The following EPHA7 variants were observed in gnomAD, a reference collection of about 807,000 sequenced individuals.
The protein encoded by EPHA7 is ephrin type-A receptor 7.
A neutral mutation model predicts 112.6 loss-of-function variants in EPHA7; 25 were observed. That is an observed-to-expected ratio of 0.22 (90% CI 0.16 to 0.31). The LOEUF is 0.31. Among genes scored for constraint, EPHA7 ranks in the 10% least tolerant of loss-of-function variants. The pLI, the probability that EPHA7 is intolerant of heterozygous loss-of-function variation, is 1.00. For missense variants in EPHA7, 962 were observed against 1,212.6 expected, an observed-to-expected ratio of 0.79 and a Z score of 3.07; for synonymous variants, 437 against 406.5, an observed-to-expected ratio of 1.07 and a Z score of -0.90.
intron 5 of EPHA7, among the ~76,000 whole-genome samples, chr6:93,320,362 T>C (rs948017266): frequency 2.0e-5 from 3 of 152,082 alleles, no homozygotes; most frequent in African/African-American, 7.2e-5. Context: ...TTCAGTATAT[T>C]AGTTTTTCAT....
At position 93,254,722 on chromosome 6, in the gene EPHA7, T is replaced by A; in HGVS notation, c.2457A>T (p.Val819=). The A allele has an allele frequency of 6.2e-7, 1 of 1,613,700 alleles. No individual in the cohort carries two copies. The highest frequency in any genetic ancestry group is 8.5e-7 in the Non-Finnish European group (1 of 1,179,680). Residue 819 remains valine, a synonymous_variant, in exon 14 of 17, where the codon GTA becomes GTT. Coordinates refer to ENST00000369303, the MANE Select transcript of EPHA7 (RefSeq NM_004440.4). ...QYRKFTSASD[V]WSYGIVMWEV... Reference sequence around the variant, plus strand: ...CCCACATGACTATTCCATAGCTCCATACATCACTGGCTGATGTGAATTTCC... The same window carrying A: ...CCCACATGACTATTCCATAGCTCCAAACATCACTGGCTGATGTGAATTTCC...
chr6:93,332,906 T>G (rs1160196660), intron 5 of EPHA7, among the ~76,000 whole-genome samples: 2 of 151,740 alleles, frequency 1.3e-5, no homozygotes, highest in Non-Finnish European at 3.0e-5. Flanking sequence ...TATTTTAGAT[T>G]CAGGGGTACA....
chr6:93,254,924 T>C, intron 13 of EPHA7, 128 bp from the exon 14 acceptor site: 1 of 606,916 alleles, frequency 1.6e-6, no homozygotes, highest in African/African-American at 1.9e-5. Context: ...CCATCTTGAA[T>C]CTCTATGCGT....
Position 93,418,362 on chromosome 6 carries a change from C to T in EPHA7, c.97+883G>A, listed in dbSNP as rs553126726. ...GCTTGCCAAATAAAACCTGCCTTCT[C>T]CTACCAGAACCAACCCTCAGGGTTC... is the stretch of plus-strand genomic sequence containing the variant. On this transcript the variant is annotated intron_variant, in intron 1 of 16. Coordinates refer to ENST00000369303, the MANE Select transcript of EPHA7 (RefSeq NM_004440.4). Among the ~76,000 whole-genome samples, 5 of 152,372 alleles carry T rather than the reference C, an allele frequency of 3.3e-5. No individual in the cohort carries two copies. The East Asian group carries it at 7.7e-4, about 24-fold the overall frequency.
At chr6:93,377,954 C>G (rs2127967528) in intron 3 of EPHA7, among the ~76,000 whole-genome samples, 1 of 152,156 alleles carries the variant, frequency 6.6e-6, no homozygotes, top group East Asian at 1.9e-4. Flanking sequence ...ACAGTTCCTG[C>G]CCTCATAGAC....
chr6:93,322,058 A>C (rs538231414), intron 5 of EPHA7, among the ~76,000 whole-genome samples: 9 of 151,882 alleles, frequency 5.9e-5, no homozygotes, highest in African/African-American at 2.2e-4. Flanking sequence ...AATGAATGTA[A>C]AAAACAATAC....
intron 5 of EPHA7, among the ~76,000 whole-genome samples, chr6:93,283,629 A>T (rs1426166008): frequency 6.6e-6 from 1 of 152,154 alleles, no homozygotes; most frequent in East Asian, 1.9e-4. Context: ...GAAGGTCTGC[A>T]GCTTCACTCC....
intron 1 of EPHA7, among the ~76,000 whole-genome samples, chr6:93,418,941 G>C (rs796868100): frequency 6.6e-6 from 1 of 152,170 alleles, no homozygotes; most frequent in South Asian, 2.1e-4. Context: ...TAAGCTCGCC[G>C]GCAGTTCCTC....
chr6:93,349,774 AT>A (rs1417532233), intron 5 of EPHA7, among the ~76,000 whole-genome samples: 4 of 151,914 alleles, frequency 2.6e-5, no homozygotes, highest in Non-Finnish European at 5.9e-5. Context: ...AATGGAATTA[AT>A]TTACTTATTA....
In EPHA7 at chr6:93,419,378, C is replaced by G. The variant is rs183930593; in HGVS notation, c.-37G>C. ...AGGTTTTATTTTAGGTTTCAGTTATCTTGAGTCGTGGATTTTTAAATGCTG... is the reference window on the plus strand; with the variant it reads ...AGGTTTTATTTTAGGTTTCAGTTATGTTGAGTCGTGGATTTTTAAATGCTG... On this transcript the variant is annotated 5_prime_UTR_variant, in exon 1 of 17. Transcript: ENST00000369303. 35 of 1,547,944 alleles carry G rather than the reference C, an allele frequency of 2.3e-5. No homozygotes were observed. The East Asian group carries it at 7.3e-4, about 32-fold the overall frequency.
At chr6:93,243,891 TA>T (rs1409393439) in intron 16 of EPHA7, among the ~76,000 whole-genome samples, 1 of 152,154 alleles carries the variant, frequency 6.6e-6, no homozygotes, top group African/African-American at 2.4e-5. Context: ...AATAGGGATT[TA>T]GAAATTTCTA....
intron 5 of EPHA7, among the ~76,000 whole-genome samples, chr6:93,298,091 A>C (rs974106376): frequency 6.6e-6 from 1 of 152,164 alleles, no homozygotes; most frequent in Admixed American, 6.5e-5. Context: ...TATTAGCCAC[A>C]AAATAAATAA....
At chr6:93,372,615 A>G (rs1776857261) in intron 3 of EPHA7, among the ~76,000 whole-genome samples, 1 of 152,118 alleles carries the variant, frequency 6.6e-6, no homozygotes, top group African/African-American at 2.4e-5. Context: ...TTAGCAAGAT[A>G]AGATGCATTG....
In EPHA7 at chr6:93,358,349, G is replaced by A. The variant is rs1205658610; in HGVS notation, c.895C>T (p.His299Tyr). ...GAGCCTTCTTTATCAGAAAAACTGT[G>A]AGTTGGACAACGAGAGCACTGAAGA... ...QDLQCSRCPTHSFSDKEGSSR... is the reference protein window; with the variant it reads ...QDLQCSRCPTYSFSDKEGSSR... The change falls in exon 4 of 17, where the codon CAC becomes TAC. Residue 299 changes from histidine to tyrosine, a missense_variant. His to Tyr is a moderately conservative substitution (Grantham distance 83, BLOSUM62 2). Coordinates refer to ENST00000369303, the MANE Select transcript of EPHA7 (RefSeq NM_004440.4). 6.2e-6 allele frequency: 10 copies of A among 1,613,100 alleles called. No homozygotes were observed. The highest frequency in any genetic ancestry group is 4.5e-5 in the East Asian group (2 of 44,824).
At chr6:93,380,275 C>T (rs532867488) in intron 3 of EPHA7, among the ~76,000 whole-genome samples, 17 of 151,978 alleles carry the variant, frequency 1.1e-4, no homozygotes, top group Admixed American at 9.2e-4. Context: ...GAGGGGGAAA[C>T]GAAAATATAG....
intron 5 of EPHA7, among the ~76,000 whole-genome samples, chr6:93,312,874 T>C (rs1378672473): frequency 1.3e-5 from 2 of 152,096 alleles, no homozygotes; most frequent in Non-Finnish European, 2.9e-5. Context: ...TCTCAAGGAA[T>C]AGGAAAGCCC....
Position 93,272,374 on chromosome 6 carries a change from C to G in EPHA7, c.1373G>C (p.Ser458Thr). The G allele has an allele frequency of 1.2e-6, 2 of 1,612,208 alleles. No homozygotes were observed. The highest frequency in any genetic ancestry group is 1.7e-6 in the Non-Finnish European group (2 of 1,178,672). The change falls in exon 6 of 17, where the codon AGT (serine) becomes ACT (threonine). Residue 458 changes from serine (S) to threonine (T), a missense_variant. By Grantham distance (58) the Ser-to-Thr change is moderately conservative. Around this residue, in one of 3 missense-constraint regions of EPHA7, gnomAD observed 746 missense variants for 889.2 expected, o/e 0.84. Coordinates refer to ENST00000369303, the MANE Select transcript of EPHA7 (RefSeq NM_004440.4). Reference protein sequence around the residue: ...GVMKERVLQRSVELSWQEPEH... With the variant: ...GVMKERVLQRTVELSWQEPEH... ...TGGTTCCTGCCAGGAAAGCTCGACA[C>G]TCCGCTGCAGTACTCTCTCCTTCAT...
At chr6:93,295,249 G>A (rs750422222) in intron 5 of EPHA7, among the ~76,000 whole-genome samples, 65 of 152,010 alleles carry the variant, frequency 4.3e-4, no homozygotes, top group African/African-American at 2.6e-4. Context: ...TCAACCAGCC[G>A]TTTATGAAAT....
At chr6:93,392,071 A>AG (rs1186410292) in intron 3 of EPHA7, among the ~76,000 whole-genome samples, 1 of 152,004 alleles carries the variant, frequency 6.6e-6, no homozygotes, top group Non-Finnish European at 1.5e-5. Flanking sequence ...CTCCTGCTCT[A>AG]CAGAATAACG....
Sources: gnomAD v4.1 joint callset for allele counts (sites outside exome capture counted in the v4.1 genomes callset) on GRCh38, gnomAD v4.1.1 for gene constraint, gnomAD v4.1.1 regional missense constraint, MANE v1.5 for transcripts, NCBI Gene and HGNC (gene_info 2026-07-23, HGNC 2026-07-21) for gene names.